The following SLC36A3 variants were observed in gnomAD, a reference collection of about 807,000 sequenced individuals.
SLC36A3 encodes solute carrier family 36 member 3, also known as proton-coupled amino acid transporter 3.
SLC36A3 carries 35 observed loss-of-function variants against 44.3 expected under a neutral mutation model. The observed-to-expected ratio is 0.79, with a 90% CI of 0.60 to 1.05. The LOEUF (loss-of-function observed/expected upper bound fraction) is 1.05. SLC36A3 is among the 50% of genes least tolerant of loss of function. The probability of loss-of-function intolerance (pLI) is 0.00; values close to 1 mark genes in which losing one functional copy is unlikely to be tolerated. For missense variants in SLC36A3, 540 were observed against 578.7 expected (o/e 0.93, Z 0.69); for synonymous variants, 211 against 227.6 (o/e 0.93, Z 0.66).
intron 3 of SLC36A3, among the ~76,000 whole-genome samples, 195 bp downstream of exon 3, chr5:151,295,985 G>A (rs999498702): frequency 1.3e-5 from 2 of 152,252 alleles, no homozygotes; most frequent in Admixed American, 6.5e-5. Context: ...CAGCTTGTTA[G>A]CAGCAGCGTT....
intron 8 of SLC36A3, among the ~76,000 whole-genome samples, chr5:151,282,287 G>A (rs189175352): frequency 2.0e-5 from 3 of 151,952 alleles, no homozygotes; most frequent in Admixed American, 1.3e-4. Flanking sequence ...TCTTGCCTCA[G>A]CCTCCCGAGT....
rs775092068 is a variant in SLC36A3 at position 151,293,367 on chromosome 5, C to A, written c.401G>T (p.Gly134Val). 6.2e-7 allele frequency: 1 copy of A among 1,612,806 alleles called. No homozygotes were observed. The highest frequency in any genetic ancestry group is 1.1e-5 in the South Asian group (1 of 90,816). ...NTWLRAHAVW[G>V]RYTVSFLLVI... ...CTACAACATCTGTGACTACTACCTT[C>A]CCCACACTGCATGGGCCCTCAGCCA... is the stretch of plus-strand genomic sequence containing the variant. Residue 134 changes from glycine (G) to valine (V), a missense_variant, in exon 4 of 10, where the codon GGA (glycine) becomes GTA (valine). Physicochemically the swap from Gly to Val is moderately radical, Grantham distance 109. Coordinates refer to ENST00000335230, the MANE Select transcript of SLC36A3 (RefSeq NM_181774.4).
rs749125572 is a variant in SLC36A3 at position 151,284,597 on chromosome 5, A to C, written c.807+16T>G. The stretch of plus-strand genomic sequence containing the variant: ...AGGGCGCTAGGGACCATTCGCGTGA[A>C]CCCCATCAATCTTACCATACCGACG... On this transcript the variant is annotated intron_variant, in intron 7 of 9. Transcript: ENST00000335230. The C allele has an allele frequency of 2.5e-6, 4 of 1,593,110 alleles. No homozygotes were observed. Among genetic ancestry groups the C allele is most frequent in the Non-Finnish European group, 3.4e-6 (4 of 1,165,954 alleles).
intron 9 of SLC36A3, among the ~76,000 whole-genome samples, chr5:151,278,699 C>T (rs17802052): frequency 0.32 from 48,490 of 151,998 alleles, 8,390 homozygotes; most frequent in Admixed American, 0.46. Flanking sequence ...TGCTCTGACA[C>T]ATCCAGTCCA....
intron 1 of SLC36A3, among the ~76,000 whole-genome samples, chr5:151,299,394 T>TATATATATA (rs58121505): frequency 6.8e-5 from 9 of 133,022 alleles, no homozygotes; most frequent in African/African-American, 2.2e-4. Flanking sequence ...TATATATATA[T>TATATATATA]TATATATATA....
intron 3 of SLC36A3, 30 bp from the exon 4 acceptor site, chr5:151,293,489 T>A: frequency 6.4e-7 from 1 of 1,564,072 alleles, no homozygotes; most frequent in Non-Finnish European, 8.7e-7. Context: ...AATGCATAAT[T>A]TAAAACATTT....
intron 7 of SLC36A3, 141 bp from the exon 8 acceptor site, chr5:151,284,351 C>T: frequency 2.4e-6 from 2 of 831,806 alleles, no homozygotes; most frequent in Non-Finnish European, 1.9e-6. Context: ...CATGGCCACA[C>T]TCCTTTCATT....
intron 3 of SLC36A3, among the ~76,000 whole-genome samples, chr5:151,293,886 C>T (rs2346336): frequency 6.7e-5 from 9 of 134,538 alleles, no homozygotes; most frequent in South Asian, 6.2e-4. Flanking sequence ...AGGTGATACT[C>T]GGGATCCTGC....
rs963758500 is a variant in SLC36A3, at chr5:151,277,368, G to C, written c.*25C>G. The stretch of plus-strand genomic sequence containing the variant: ...TCAAACTGGGGATGGGAGGAAGGGA[G>C]AGCTATTAGAATAAAAACAGATAAT... On this transcript the variant is annotated 3_prime_UTR_variant, in exon 10 of 10. Coordinates refer to ENST00000335230, the MANE Select transcript of SLC36A3 (RefSeq NM_181774.4). 3 of 1,610,294 alleles carry C rather than the reference G, an allele frequency of 1.9e-6. No homozygotes were observed. The African/African-American group carries it at 4.0e-5, about 21-fold the overall frequency.
intron 2 of SLC36A3, 25 bp from the exon 3 acceptor site, chr5:151,296,293 A>G: frequency 6.3e-7 from 1 of 1,596,166 alleles, no homozygotes; most frequent in Non-Finnish European, 8.6e-7. Context: ...AGAAAGGGGG[A>G]AGTGAGCCAG....
chr5:151,294,715 C>T (rs943571609), intron 3 of SLC36A3, among the ~76,000 whole-genome samples: 20 of 152,002 alleles, frequency 1.3e-4, no homozygotes, highest in African/African-American at 4.1e-4. Flanking sequence ...CCAAAACCTC[C>T]GCCTCCCGGG....
At chr5:151,290,688 G>T (rs1343046239) in intron 4 of SLC36A3, among the ~76,000 whole-genome samples, 1 of 152,146 alleles carries the variant, frequency 6.6e-6, no homozygotes, top group Non-Finnish European at 1.5e-5. Context: ...GAGGTCAGGA[G>T]ATCGAGACCA....
At chr5:151,298,505 C>T (rs1307119937) in intron 2 of SLC36A3, 88 bp downstream of exon 2, 10 of 1,298,362 alleles carry the variant, frequency 7.7e-6, no homozygotes, top group Admixed American at 6.1e-5. Context: ...CCAAATTGCC[C>T]ATTGATAACA....
At chr5:151,298,357 G>A (rs1177110389) in intron 2 of SLC36A3, 1 of 479,334 alleles carries the variant, frequency 2.1e-6, no homozygotes, top group Non-Finnish European at 3.8e-6. Flanking sequence ...GGGGAGAATT[G>A]TGGCAAAGTA....
rs139651335 is a variant in SLC36A3, at chr5:151,302,742, A to T, written c.128+485T>A. ...GTATCCTGGAACTTAAAATTAAATT[A>T]AATTTAATTTAATTAAAAAAAAAGA... On this transcript the variant is annotated intron_variant, in intron 1 of 9. Coordinates refer to ENST00000335230, the MANE Select transcript of SLC36A3 (RefSeq NM_181774.4). Among the ~76,000 whole-genome samples the T allele has an allele frequency of 7.5e-3, 1,136 of 152,140 alleles. 13 individuals carry two copies. The highest frequency in any genetic ancestry group is 0.026 in the African/African-American group (1,083 of 41,476).
intron 1 of SLC36A3, among the ~76,000 whole-genome samples, chr5:151,299,252 C>CTATA (rs1417584326): frequency 3.4e-4 from 32 of 95,054 alleles, no homozygotes; most frequent in Admixed American, 5.0e-4. Flanking sequence ...CTCTCTCTCT[C>CTATA]TCTCTCTCTC....
intron 1 of SLC36A3, among the ~76,000 whole-genome samples, chr5:151,300,706 G>A (rs974519641): frequency 8.5e-5 from 13 of 152,156 alleles, no homozygotes; most frequent in African/African-American, 2.9e-4. Flanking sequence ...AATAGATGTT[G>A]CAAGCTCCCC....
chr5:151,283,979 C>A (rs1754430263), intron 8 of SLC36A3, 65 bp downstream of exon 8: 1 of 1,524,494 alleles, frequency 6.6e-7, no homozygotes, highest in African/African-American at 1.4e-5. Flanking sequence ...GCTGTGCTCT[C>A]TGCTATGACA....
chr5:151,293,470 A>T lies in SLC36A3; in HGVS notation c.309-11T>A, dbSNP rs757403301. Reference sequence around the variant, plus strand: ...AAAGTCTTCTGCAGTCTAGGGGGAAAGAACAAACAATGCATAATTTAAAAC... The same window carrying T: ...AAAGTCTTCTGCAGTCTAGGGGGAATGAACAAACAATGCATAATTTAAAAC... On this transcript the variant is annotated splice_polypyrimidine_tract_variant and intron_variant, in intron 3 of 9. Transcript: ENST00000335230. The T allele has an allele frequency of 6.2e-7, 1 of 1,602,592 alleles. No individual in the cohort carries two copies. Among genetic ancestry groups the T allele is most frequent in the East Asian group, 2.2e-5 (1 of 44,688 alleles).
Sources: gnomAD v4.1 joint callset for allele counts (sites outside exome capture counted in the v4.1 genomes callset) on GRCh38, gnomAD v4.1.1 for gene constraint, MANE v1.5 for transcripts, NCBI Gene and HGNC (gene_info 2026-07-23, HGNC 2026-07-21) for gene names.